Variants in IRS1 observed in about 807,000 individuals in gnomAD.
IRS1 encodes insulin receptor substrate 1.
In IRS1, 34 loss-of-function variants were observed where a neutral mutation model predicts 65.6. That is an observed-to-expected ratio of 0.52 (90% CI 0.39 to 0.69). IRS1 has a LOEUF of 0.69. Ranked by LOEUF, IRS1 falls within the 30% of genes least tolerant of loss-of-function variation. The pLI, the probability that IRS1 is intolerant of heterozygous loss-of-function variation, is 0.00. For missense variants in IRS1, 1,641 were observed against 1,720.2 expected, an observed-to-expected ratio of 0.95 and a Z score of 0.81; for synonymous variants, 699 against 683.5, an observed-to-expected ratio of 1.02 and a Z score of -0.35.
chr2:226,765,136 C>G (rs978312303), intron 1 of IRS1, among the ~76,000 whole-genome samples: 8 of 152,098 alleles, frequency 5.3e-5, no homozygotes, highest in Non-Finnish European at 1.0e-4. Context: ...TGGGGTCTTG[C>G]TATGTTGCCC....
chr2:226,751,746 C>T (rs77648551), intron 1 of IRS1, among the ~76,000 whole-genome samples: 2,572 of 152,202 alleles, frequency 0.017, 80 homozygotes, highest in African/African-American at 0.059. Context: ...CTGAGAGGCT[C>T]AGTTAGGAGG....
intron 1 of IRS1, among the ~76,000 whole-genome samples, chr2:226,787,582 C>T (rs540981706): frequency 1.3e-5 from 2 of 152,148 alleles, no homozygotes; most frequent in Non-Finnish European, 2.9e-5. Flanking sequence ...CTCAATAGAG[C>T]TTACTGAGTA....
intron 1 of IRS1, among the ~76,000 whole-genome samples, chr2:226,781,546 G>A (rs561368082): frequency 6.6e-6 from 1 of 152,068 alleles, no homozygotes; most frequent in Non-Finnish European, 1.5e-5. Flanking sequence ...ATGCAAAGAC[G>A]CTTTCCATGA....
At chr2:226,768,698 G>A (rs752280392) in intron 1 of IRS1, among the ~76,000 whole-genome samples, 10 of 152,172 alleles carry the variant, frequency 6.6e-5, no homozygotes, top group African/African-American at 9.6e-5. Context: ...TTGTAGTGGC[G>A]CTATCTCGGC....
chr2:226,773,172 T>A (rs1440609211), intron 1 of IRS1, among the ~76,000 whole-genome samples: 1 of 152,234 alleles, frequency 6.6e-6, no homozygotes, highest in African/African-American at 2.4e-5. Flanking sequence ...CAGATATATA[T>A]TCCTGTTTTT....
intron 1 of IRS1, among the ~76,000 whole-genome samples, chr2:226,755,023 G>A (rs1363977720): frequency 6.6e-6 from 1 of 152,154 alleles, no homozygotes; most frequent in Non-Finnish European, 1.5e-5. Context: ...AAAGCGTGAG[G>A]CCTGACATTT....
chr2:226,784,543 C>T (rs558408474), intron 1 of IRS1, among the ~76,000 whole-genome samples: 1 of 152,298 alleles, frequency 6.6e-6, no homozygotes, highest in East Asian at 1.9e-4. Flanking sequence ...CCGCCTGAGC[C>T]TCCCGAGTAG....
intron 1 of IRS1, among the ~76,000 whole-genome samples, chr2:226,765,392 T>C (rs973149530): frequency 1.3e-5 from 2 of 152,250 alleles, no homozygotes; most frequent in Admixed American, 6.5e-5. Context: ...TCACTATTTA[T>C]TGTCATATAA....
At position 226,799,062 on chromosome 2, in the gene IRS1, G is replaced by A. The variant is rs1009435438; in HGVS notation, c.-324C>T. The stretch of plus-strand genomic sequence containing the variant: ...GCCGCCGCCACCAGGAAGGAGCGAA[G>A]ATGCATCTCTCGTCGCCCCGGCTGG... On this transcript the variant is annotated 5_prime_UTR_variant, in exon 1 of 2. Coordinates refer to ENST00000305123, the MANE Select transcript of IRS1 (RefSeq NM_005544.3). This position sits in a 1 kb window ranked among gnomAD's most constrained non-coding sequence, Gnocchi z 6.1. 4 of 1,313,966 alleles carry A rather than the reference G, an allele frequency of 3.0e-6. No homozygotes were observed. Among genetic ancestry groups the A allele is most frequent in the Admixed American group, 3.5e-5 (1 of 28,780 alleles). 81.4% of individuals were successfully genotyped at this position (1,313,966 alleles called of 1,614,324 possible).
At chr2:226,740,589 T>C (rs140238949) in intron 1 of IRS1, among the ~76,000 whole-genome samples, 2 of 152,368 alleles carry the variant, frequency 1.3e-5, no homozygotes, top group Non-Finnish European at 2.9e-5. Context: ...TGGAAAGATC[T>C]GTACACTCAG....
At chr2:226,791,863 C>A (rs1179918944) in intron 1 of IRS1, among the ~76,000 whole-genome samples, 1 of 152,042 alleles carries the variant, frequency 6.6e-6, no homozygotes, top group African/African-American at 2.4e-5. Context: ...TGACCCGAGA[C>A]GGGCGGGGGC....
At chr2:226,774,530 A>C (rs1042935449) in intron 1 of IRS1, among the ~76,000 whole-genome samples, 1 of 152,228 alleles carries the variant, frequency 6.6e-6, no homozygotes, top group African/African-American at 2.4e-5. Context: ...TGTAAAAAAA[A>C]CAAGCAAACA....
Position 226,797,597 on chromosome 2 carries a change from CG to C in IRS1, c.1141del (p.Arg381AlafsTer82). On this transcript the variant is annotated frameshift_variant, in exon 1 of 2. Transcript: ENST00000305123. LOFTEE classifies it high-confidence loss of function. The surrounding 1 kb of genome is among the most constrained non-coding windows in gnomAD (Gnocchi z 8.1). Reference sequence around the variant, plus strand: ...CGGGCTGGTGGCCGAAGGCGAGCAGCGGGAAGCCGGCATGGGGATGGAGCGG... The same window carrying C: ...CGGGCTGGTGGCCGAAGGCGAGCAGCGGAAGCCGGCATGGGGATGGAGCGG... Reference protein sequence around the residue: ...HSRSIPMPASRCSPSATSPVS... With the variant: ...HSRSIPMPASXCSPSATSPVS... 6.3e-7 allele frequency: 1 copy of C among 1,588,006 alleles called. No homozygotes were observed.
At chr2:226,778,824 C>T (rs761704907) in intron 1 of IRS1, among the ~76,000 whole-genome samples, 9 of 152,208 alleles carry the variant, frequency 5.9e-5, no homozygotes, top group East Asian at 1.9e-4. Flanking sequence ...TTCCAGATCT[C>T]GACTTTCATG....
chr2:226,773,853 A>G (rs1463445760), intron 1 of IRS1, among the ~76,000 whole-genome samples: 1 of 152,154 alleles, frequency 6.6e-6, no homozygotes, highest in Non-Finnish European at 1.5e-5. Flanking sequence ...GGCTGATTCC[A>G]TGCTGTACCT....
chr2:226,787,099 T>C (rs950585939), intron 1 of IRS1, among the ~76,000 whole-genome samples: 2 of 152,134 alleles, frequency 1.3e-5, no homozygotes, highest in Admixed American at 1.3e-4. Flanking sequence ...GACCACCCCA[T>C]AACAAGTCCA....
At chr2:226,745,867 G>A (rs970130134) in intron 1 of IRS1, among the ~76,000 whole-genome samples, 3 of 152,182 alleles carry the variant, frequency 2.0e-5, no homozygotes, top group Non-Finnish European at 4.4e-5. Context: ...CCAAAATGAG[G>A]ATGCATCTTG....
At chr2:226,785,504 G>A (rs529424878) in intron 1 of IRS1, among the ~76,000 whole-genome samples, 1 of 152,362 alleles carries the variant, frequency 6.6e-6, no homozygotes, top group Non-Finnish European at 1.5e-5. Flanking sequence ...TCAGGAGGAT[G>A]AGGCTGGAGA....
intron 1 of IRS1, among the ~76,000 whole-genome samples, chr2:226,781,404 T>C (rs1389775430): frequency 6.6e-6 from 1 of 151,760 alleles, no homozygotes; most frequent in Non-Finnish European, 1.5e-5. Flanking sequence ...AAATCCTGAG[T>C]TGGGGTAGGG....
Sources: allele counts gnomAD v4.1 joint callset (sites outside exome capture counted in the v4.1 genomes callset), GRCh38; gene constraint gnomAD v4.1.1; non-coding constraint Gnocchi (gnomAD v3.1); transcripts MANE v1.5; gene names NCBI Gene and HGNC (gene_info 2026-07-23, HGNC 2026-07-21).